FBN2: variants seen among roughly 807,000 people sequenced by gnomAD.
FBN2 encodes the protein fibrillin 2, also known as fibrillin-2.
Under a neutral mutation model 355.6 loss-of-function variants are expected in FBN2, and 105 were observed. That is an observed-to-expected ratio of 0.30 (90% CI 0.25 to 0.35). The LOEUF is 0.35. Among genes scored for constraint, FBN2 ranks in the 10% least tolerant of loss-of-function variants. The pLI, the probability that FBN2 is intolerant of heterozygous loss-of-function variation, is 1.00. For synonymous variants in FBN2, 1,350 were observed against 1,301.2 expected (o/e 1.04, Z -0.81); for missense variants, 3,280 against 3,758.7 (o/e 0.87, Z 3.33).
intron 6 of FBN2, among the ~76,000 whole-genome samples, chr5:128,447,664 T>C (rs566126890): frequency 2.6e-5 from 4 of 152,344 alleles, no homozygotes; most frequent in East Asian, 3.9e-4. Flanking sequence ...TATTACCTTG[T>C]GAAGCATGTG....
In FBN2 at chr5:128,311,329, T is replaced by G. The variant is rs769474473; in HGVS notation, c.5045A>C (p.Tyr1682Ser). The G allele has an allele frequency of 7.4e-6, 12 of 1,614,126 alleles. No individual in the cohort carries two copies. Among genetic ancestry groups the G allele is most frequent in the South Asian group, 2.2e-5 (2 of 91,082 alleles). The change falls in exon 39 of 65, where the codon TAC (tyrosine) becomes TCC (serine). Residue 1682 changes from tyrosine (Y) to serine (S), a missense_variant. Transcript: ENST00000262464. ...SFQCECPQGYYLSEDTRICED... is the reference protein window; with the variant it reads ...SFQCECPQGYSLSEDTRICED... ...ACAGATGCGGGTATCCTCGCTGAGG[T>G]AGTAGCCTTGTGGGCACTCACACTG...
chr5:128,505,477 A>G (rs558455065), intron 5 of FBN2, among the ~76,000 whole-genome samples: 2 of 152,216 alleles, frequency 1.3e-5, no homozygotes, highest in Non-Finnish European at 2.9e-5. Context: ...TTCCCGAGGT[A>G]TAATAAACAT....
At position 128,414,186 on chromosome 5, in the gene FBN2, T is replaced by C. The variant is rs545318965; in HGVS notation, c.953-5387A>G. On this transcript the variant is annotated intron_variant, in intron 7 of 64. Coordinates refer to ENST00000262464, the MANE Select transcript of FBN2 (RefSeq NM_001999.4). ...TTTAAAGTGTAAAACTCAAATGATT[T>C]TAGTGTAGTCACAAGGTTGTGCAGC... Among the ~76,000 whole-genome samples, 12 of 152,316 alleles carry C rather than the reference T, an allele frequency of 7.9e-5. No individual in the cohort carries two copies. The East Asian group carries it at 2.3e-3, about 29-fold the overall frequency.
At chr5:128,267,064 G>A (rs1765134238) in intron 62 of FBN2, among the ~76,000 whole-genome samples, 2 of 151,770 alleles carry the variant, frequency 1.3e-5, no homozygotes, top group South Asian at 4.2e-4. Flanking sequence ...CTTATGATGA[G>A]AACATGTGGT....
chr5:128,282,502 G>A (rs1748990969), intron 55 of FBN2, among the ~76,000 whole-genome samples: 1 of 151,740 alleles, frequency 6.6e-6, no homozygotes, highest in African/African-American at 2.4e-5. Context: ...GAAGAACTCA[G>A]GATATACTGC....
intron 5 of FBN2, among the ~76,000 whole-genome samples, chr5:128,493,893 C>T (rs142295856): frequency 6.6e-6 from 1 of 152,216 alleles, no homozygotes; most frequent in Admixed American, 6.5e-5. Context: ...AGGTTTTTAG[C>T]TTGGATAACT....
At chr5:128,480,045 C>T (rs1251785859) in intron 5 of FBN2, among the ~76,000 whole-genome samples, 1 of 128,536 alleles carries the variant, frequency 7.8e-6, no homozygotes, top group Non-Finnish European at 1.6e-5. Flanking sequence ...CACACACACA[C>T]ATATTCTATG....
chr5:128,286,160 A>G (rs564794157), intron 55 of FBN2, among the ~76,000 whole-genome samples: 1 of 152,332 alleles, frequency 6.6e-6, no homozygotes, highest in South Asian at 2.1e-4. Context: ...ATGTACGTCT[A>G]TTTTTAACTT....
chr5:128,352,403 C>A (rs929088066), intron 20 of FBN2, among the ~76,000 whole-genome samples: 1 of 151,952 alleles, frequency 6.6e-6, no homozygotes, highest in African/African-American at 2.4e-5. Context: ...GGTAGAGTAC[C>A]CAGTGAAATA....
intron 7 of FBN2, among the ~76,000 whole-genome samples, chr5:128,435,447 CAATT>C (rs1753748046): frequency 6.6e-6 from 1 of 152,178 alleles, no homozygotes; most frequent in Non-Finnish European, 1.5e-5. Flanking sequence ...AACTCTTCCA[CAATT>C]AATTTCTTTG....
chr5:128,345,689 G>T (rs143000976), intron 23 of FBN2, 105 bp from the exon 24 acceptor site: 1 of 999,914 alleles, frequency 1.0e-6, no homozygotes, highest in East Asian at 2.5e-5. Context: ...GGACCCTTGC[G>T]GTGTACTGGT....
intron 48 of FBN2, among the ~76,000 whole-genome samples, chr5:128,299,162 G>A (rs1160654774): frequency 2.6e-5 from 4 of 151,936 alleles, no homozygotes; most frequent in Admixed American, 2.0e-4. Flanking sequence ...AGGGGTCAGG[G>A]ACCCACTTGA....
chr5:128,424,359 CAG>C (rs1753432268), intron 7 of FBN2, among the ~76,000 whole-genome samples: 1 of 151,986 alleles, frequency 6.6e-6, no homozygotes, highest in South Asian at 2.1e-4. Context: ...AGAAAGAAAA[CAG>C]AGAATGATTA....
Position 128,392,100 on chromosome 5 carries a change from A to G in FBN2, c.1521T>C (p.Asn507=). 1.2e-6 allele frequency: 2 copies of G among 1,613,624 alleles called. No individual in the cohort carries two copies. The highest frequency in any genetic ancestry group is 1.3e-5 in the African/African-American group (1 of 75,048). Residue 507 remains asparagine (N), a synonymous_variant, in exon 11 of 65, where the codon AAT becomes AAC. Transcript: ENST00000262464. The part of the protein sequence containing the change: ...ICKHHANLCL[N]GRCIPTVSSY... ...TTGAGACAGTTGGTATACAGCGTCC[A>G]TTTAAACAAAGGTTAGCATGATGCT...
intron 34 of FBN2, among the ~76,000 whole-genome samples, chr5:128,327,580 T>G (rs1262341394): frequency 6.6e-6 from 1 of 151,868 alleles, no homozygotes; most frequent in Admixed American, 6.6e-5. Context: ...GTATTTTTTT[T>G]TTTTTCATGA....
chr5:128,395,152 T>C lies in FBN2; in HGVS notation c.1201A>G (p.Ile401Val), dbSNP rs863223549. 7 of 1,614,146 alleles carry C rather than the reference T, an allele frequency of 4.3e-6. No homozygotes were observed. Among genetic ancestry groups the C allele is most frequent in the East Asian group, 2.2e-5 (1 of 44,852 alleles). ...EPGRCWGIGT[I>V]PEACPVRGSE... is the part of the protein sequence containing the mutation. ...CCTCTGACAGGACAGGCTTCAGGAA[T>C]GGTTCCGATGCCCCAGCAGCGGCCA... Residue 401 changes from isoleucine to valine, a missense_variant, in exon 9 of 65, where the codon ATT becomes GTT. Coordinates refer to ENST00000262464, the MANE Select transcript of FBN2 (RefSeq NM_001999.4).
intron 4 of FBN2, among the ~76,000 whole-genome samples, chr5:128,526,718 G>A (rs750901721): frequency 3.9e-5 from 6 of 152,182 alleles, no homozygotes; most frequent in South Asian, 2.1e-4. Context: ...ATGGTTGCCC[G>A]GGGCAGGGGA....
At chr5:128,460,899 C>T (rs987271572) in intron 6 of FBN2, among the ~76,000 whole-genome samples, 1 of 152,020 alleles carries the variant, frequency 6.6e-6, no homozygotes, top group Non-Finnish European at 1.5e-5. Context: ...CCAAAATAAC[C>T]CTAGAAGAAA....
rs139630583 is a variant in FBN2 at position 128,299,463 on chromosome 5, C to G, written c.6166+1354G>C. Among the ~76,000 whole-genome samples, 984 of 145,640 alleles carry G rather than the reference C, an allele frequency of 6.8e-3. 36 individuals carry two copies. Among genetic ancestry groups the G allele is most frequent in the Admixed American group, 0.053 (777 of 14,528 alleles). On this transcript the variant is annotated intron_variant, in intron 48 of 64. Transcript: ENST00000262464. ...GTTTGATCTCAGACTGCTGTGCTAG[C>G]AATCAGTGAGACTCCATGGGCATAG...
Sources: gnomAD v4.1 joint callset for allele counts (sites outside exome capture counted in the v4.1 genomes callset) on GRCh38, gnomAD v4.1.1 for gene constraint, MANE v1.5 for transcripts, NCBI Gene and HGNC (gene_info 2026-07-23, HGNC 2026-07-21) for gene names.